Variants in SNED1 observed in about 807,000 individuals in gnomAD.
SNED1 encodes sushi, nidogen and EGF-like domain-containing protein 1.
SNED1 carries 81 observed loss-of-function variants against 166.7 expected under a neutral mutation model. The ratio of observed to expected loss-of-function variants is 0.49; its 90% CI spans 0.41 to 0.58. SNED1 has a LOEUF of 0.58. Ranked by LOEUF, SNED1 falls within the 20% of genes least tolerant of loss-of-function variation. The probability of loss-of-function intolerance (pLI) is 0.00; values close to 1 mark genes in which losing one functional copy is unlikely to be tolerated. For missense variants in SNED1, 1,604 were observed against 2,000.2 expected (o/e 0.80, Z 3.78); for synonymous variants, 762 against 822.0 (o/e 0.93, Z 1.25).
intron 8 of SNED1, among the ~76,000 whole-genome samples, chr2:241,045,112 A>C (rs2061614492): frequency 6.6e-6 from 1 of 152,222 alleles, no homozygotes. Flanking sequence ...AACATTAGAG[A>C]ATTTGCATGC....
chr2:241,033,334 GTT>G (rs1158143610), intron 2 of SNED1, among the ~76,000 whole-genome samples: 2 of 152,178 alleles, frequency 1.3e-5, no homozygotes, highest in Non-Finnish European at 2.9e-5. Context: ...AGGCCTGACT[GTT>G]AAACGCTGCA....
chr2:241,072,025 G>A (rs1575063469), intron 26 of SNED1, 147 bp downstream of exon 26: 2 of 785,734 alleles, frequency 2.5e-6, no homozygotes, highest in African/African-American at 3.4e-5. Flanking sequence ...CTGTGCACAA[G>A]GCGCGGGGCT....
intron 1 of SNED1, among the ~76,000 whole-genome samples, chr2:241,004,595 A>C (rs1356219237): frequency 6.6e-6 from 1 of 152,186 alleles, no homozygotes; most frequent in Non-Finnish European, 1.5e-5. Context: ...AAATAATATT[A>C]TACTCTTTCA....
At chr2:241,087,157 A>T in intron 29 of SNED1, 1 of 494,460 alleles carries the variant, frequency 2.0e-6, no homozygotes, top group Non-Finnish European at 3.6e-6. Flanking sequence ...CAGAATGCAC[A>T]TTAAAATGGG....
At position 241,092,502 on chromosome 2, in the gene SNED1, C is replaced by A. The variant is rs2064096179; in HGVS notation, c.*866C>A. 1 of 152,126 alleles carries A rather than the reference C, an allele frequency of 6.6e-6. No homozygotes were observed. The highest frequency in any genetic ancestry group is 2.1e-4 in the South Asian group (1 of 4,824). The allele number at this position is 152,126 out of a possible 1,614,324, so 9.4% of individuals were successfully genotyped here. A position where few individuals can be genotyped will look rare whatever the true frequency, so the allele number is the denominator to read the frequency against. On this transcript the variant is annotated 3_prime_UTR_variant, in exon 32 of 32. Transcript: ENST00000310397. The surrounding 1 kb of genome is among the most constrained non-coding windows in gnomAD (Gnocchi z 4.6). ...TTCTATGAGATCACCTAGGCTTCAG[C>A]CTTAAACAGTGGAAGCCATCCCCTG...
Position 240,998,846 on chromosome 2 carries a change from C to T in SNED1, c.9C>T (p.His3=). MR[H]GVAWALLVAA... ...GCCCGCACACCTCCGCGATGCGGCA[C>T]GGCGTCGCCTGGGCGCTGCTGGTGG... Residue 3 remains histidine, a synonymous_variant, in exon 1 of 32, where the codon CAC becomes CAT. Coordinates refer to ENST00000310397, the MANE Select transcript of SNED1 (RefSeq NM_001080437.3). The T allele has an allele frequency of 8.3e-7, 1 of 1,200,732 alleles. No individual in the cohort carries two copies. The highest frequency in any genetic ancestry group is 1.0e-6 in the Non-Finnish European group (1 of 970,324). The allele number at this position is 1,200,732 out of a possible 1,614,324, so 74.4% of individuals were successfully genotyped here. A position where few individuals can be genotyped will look rare whatever the true frequency, so the allele number is the denominator to read the frequency against.
In SNED1 at chr2:241,070,140, A is replaced by G; in HGVS notation, c.3528A>G (p.Ala1176=). The G allele has an allele frequency of 6.2e-7, 1 of 1,611,650 alleles. No homozygotes were observed. Among genetic ancestry groups the G allele is most frequent in the Non-Finnish European group, 8.5e-7 (1 of 1,179,640 alleles). The change falls in exon 24 of 32, where the codon GCA becomes GCG. Residue 1176 remains alanine, a synonymous_variant. Transcript: ENST00000310397. ...GGCGGTACCAGCTCTCTGTGATAGC[A>G]GTGCAGAGCACGGAGCTCGGGCCGC... ...PGRRYQLSVI[A]VQSTELGPQH... is the part of the protein sequence containing the mutation.
chr2:241,023,264 T>C (rs951024794), intron 1 of SNED1, among the ~76,000 whole-genome samples: 2 of 152,162 alleles, frequency 1.3e-5, no homozygotes, highest in African/African-American at 4.8e-5. Flanking sequence ...TCCTCACAAG[T>C]TTTTGCTAAA....
intron 1 of SNED1, among the ~76,000 whole-genome samples, chr2:241,009,691 T>A (rs2060327744): frequency 1.3e-5 from 2 of 152,034 alleles, no homozygotes; most frequent in South Asian, 4.1e-4. Flanking sequence ...CCGGGGGCGC[T>A]GAATGCAGCT....
intron 8 of SNED1, among the ~76,000 whole-genome samples, chr2:241,046,037 A>G (rs1295342017): frequency 6.6e-6 from 1 of 152,212 alleles, no homozygotes; most frequent in Non-Finnish European, 1.5e-5. Flanking sequence ...ACATATATGG[A>G]GGTGAATAAA....
intron 8 of SNED1, among the ~76,000 whole-genome samples, chr2:241,046,807 A>G (rs1559259841): frequency 1.3e-5 from 2 of 152,202 alleles, no homozygotes; most frequent in South Asian, 2.1e-4. Context: ...ACTGATTTAC[A>G]AAGACACATT....
Position 241,069,695 on chromosome 2 carries a change from C to T in SNED1, c.3308-225C>T, listed in dbSNP as rs1359191100. 6.6e-6 allele frequency among the ~76,000 whole-genome samples: 1 copy of T among 152,068 alleles called. No homozygotes were observed. The highest frequency in any genetic ancestry group is 2.4e-5 in the African/African-American group (1 of 41,420). On this transcript the variant is annotated intron_variant, in intron 23 of 31. Transcript: ENST00000310397. This position sits in a 1 kb window ranked among gnomAD's most constrained non-coding sequence, Gnocchi z 4.9. Reference sequence around the variant, plus strand: ...GCCTGGGGGCTTCACAGGGTGGATCCTAACCCGAGGGGAGGGTGGCAACCA... The same window carrying T: ...GCCTGGGGGCTTCACAGGGTGGATCTTAACCCGAGGGGAGGGTGGCAACCA...
At chr2:241,016,960 C>A (rs1339566378) in intron 1 of SNED1, among the ~76,000 whole-genome samples, 4 of 149,634 alleles carry the variant, frequency 2.7e-5, no homozygotes, top group Non-Finnish European at 4.4e-5. Context: ...TCAAGCAATT[C>A]TCCTGCCTCA....
chr2:241,017,724 G>A (rs560583211), intron 1 of SNED1, among the ~76,000 whole-genome samples: 3 of 152,312 alleles, frequency 2.0e-5, no homozygotes, highest in East Asian at 1.9e-4. Flanking sequence ...GAAGGCTGCC[G>A]TCCACAGGAA....
At chr2:241,002,895 G>C (rs936917007) in intron 1 of SNED1, among the ~76,000 whole-genome samples, 1 of 151,574 alleles carries the variant, frequency 6.6e-6, no homozygotes, top group Admixed American at 6.6e-5. Context: ...CACCCTCCAC[G>C]TCAGCAGCAG....
chr2:241,046,338 A>C (rs541725392), intron 8 of SNED1, among the ~76,000 whole-genome samples: 2 of 152,252 alleles, frequency 1.3e-5, no homozygotes, highest in Non-Finnish European at 2.9e-5. Flanking sequence ...TTATGTTTAC[A>C]CACAAATCCA....
chr2:241,012,825 C>CTTTTTTTTTTTTT (rs59199140), intron 1 of SNED1, among the ~76,000 whole-genome samples: 2 of 134,878 alleles, frequency 1.5e-5, no homozygotes, highest in African/African-American at 2.8e-5. Flanking sequence ...TTTTTTTTTT[C>CTTTTTTTTTTTTT]TTTTTTTTTT....
At chr2:241,011,886 T>A (rs923395182) in intron 1 of SNED1, among the ~76,000 whole-genome samples, 1 of 152,214 alleles carries the variant, frequency 6.6e-6, no homozygotes, top group Non-Finnish European at 1.5e-5. Flanking sequence ...CTGTCCTGGC[T>A]GCCCTGTCCT....
At chr2:241,000,537 G>A (rs546378560) in intron 1 of SNED1, among the ~76,000 whole-genome samples, 4 of 152,324 alleles carry the variant, frequency 2.6e-5, no homozygotes, top group East Asian at 3.9e-4. Flanking sequence ...GGCACCATCC[G>A]AACAGAACTC....
Sources: gnomAD v4.1 joint callset for allele counts (sites outside exome capture counted in the v4.1 genomes callset) on GRCh38, gnomAD v4.1.1 for gene constraint, Gnocchi (gnomAD v3.1) non-coding constraint, MANE v1.5 for transcripts, NCBI Gene and HGNC (gene_info 2026-07-23, HGNC 2026-07-21) for gene names.